The following FRYL variants were observed in gnomAD, a reference collection of about 807,000 sequenced individuals.
FRYL encodes the protein protein furry homolog-like.
In FRYL, 150 loss-of-function variants were observed where a neutral mutation model predicts 351.2. The ratio of observed to expected loss-of-function variants is 0.43; its 90% CI spans 0.37 to 0.49. The LOEUF (loss-of-function observed/expected upper bound fraction) is 0.49, where lower values mean the gene tolerates loss of function less well. Ranked by LOEUF, FRYL falls within the 20% of genes least tolerant of loss-of-function variation. The pLI, the probability that FRYL is intolerant of heterozygous loss-of-function variation, is 0.00. For synonymous variants in FRYL, 1,153 were observed against 1,257.1 expected, an observed-to-expected ratio of 0.92 and a Z score of 1.75; for missense variants, 3,036 against 3,619.3, an observed-to-expected ratio of 0.84 and a Z score of 4.13.
Position 48,549,704 on chromosome 4 carries a change from T to A in FRYL, c.4634-81A>T. The stretch of plus-strand genomic sequence containing the variant: ...CAAACTCTAGTAAGATCCCAACTAT[T>A]TATATAGTATTGGAAAGTGATAAAA... On this transcript the variant is annotated intron_variant, in intron 38 of 63. Coordinates refer to ENST00000358350, the MANE Select transcript of FRYL (RefSeq NM_015030.2). This position sits in a 1 kb window ranked among gnomAD's most constrained non-coding sequence, Gnocchi z 4.2. 8.6e-7 allele frequency: 1 copy of A among 1,158,834 alleles called. No individual in the cohort carries two copies. Among genetic ancestry groups the A allele is most frequent in the Non-Finnish European group, 1.2e-6 (1 of 810,386 alleles). 71.8% of individuals were successfully genotyped at this position (1,158,834 alleles called of 1,614,324 possible). A position where few individuals can be genotyped will look rare whatever the true frequency, so the allele number is the denominator to read the frequency against.
chr4:48,552,244 G>GAT (rs1732966917), intron 36 of FRYL, among the ~76,000 whole-genome samples: 1 of 145,244 alleles, frequency 6.9e-6, no homozygotes, highest in African/African-American at 2.6e-5. Flanking sequence ...AGTCCAAAGG[G>GAT]GTGTGTGTGT....
chr4:48,499,428 T>TC lies in FRYL; in HGVS notation c.9035dup (p.Phe3013IlefsTer14). ...CCTAAAGGCCTGAAGTGTCTCAGAATCCAGTGCTCACCATATTTCCCATTG... is the reference window on the plus strand; with the variant it reads ...CCTAAAGGCCTGAAGTGTCTCAGAATCCCAGTGCTCACCATATTTCCCATTG... On this transcript the variant is annotated frameshift_variant, in exon 64 of 64. Coordinates refer to ENST00000358350, the MANE Select transcript of FRYL (RefSeq NM_015030.2). LOFTEE classifies it high-confidence loss of function. 6.2e-7 allele frequency: 1 copy of TC among 1,613,998 alleles called. No homozygotes were observed. Among genetic ancestry groups the TC allele is most frequent in the Non-Finnish European group, 8.5e-7 (1 of 1,179,864 alleles).
intron 60 of FRYL, among the ~76,000 whole-genome samples, chr4:48,504,083 CTAAA>C (rs1370102876): frequency 1.3e-5 from 2 of 152,030 alleles, no homozygotes; most frequent in Non-Finnish European, 1.5e-5. Context: ...AGCAATTACT[CTAAA>C]TATGCTAAAA....
intron 2 of FRYL, among the ~76,000 whole-genome samples, chr4:48,708,909 T>TG (rs768647150): frequency 0.01 from 1,115 of 110,046 alleles, 5 homozygotes; most frequent in Non-Finnish European, 0.015. Context: ...AGGTATCGTG[T>TG]GTTTTTTTTT....
intron 7 of FRYL, among the ~76,000 whole-genome samples, chr4:48,610,201 A>C (rs1181016384): frequency 2.0e-5 from 3 of 152,138 alleles, no homozygotes; most frequent in Non-Finnish European, 2.9e-5. Context: ...AATATAACTC[A>C]ATTTTGAACT....
intron 36 of FRYL, among the ~76,000 whole-genome samples, chr4:48,552,933 T>C (rs1733200653): frequency 6.6e-6 from 1 of 152,154 alleles, no homozygotes; most frequent in Admixed American, 6.5e-5. Flanking sequence ...ACATAGTTTC[T>C]TCATACTCAA....
chr4:48,627,486 A>G (rs1752061545), intron 4 of FRYL, among the ~76,000 whole-genome samples: 1 of 152,166 alleles, frequency 6.6e-6, no homozygotes, highest in African/African-American at 2.4e-5. Context: ...TTCATAACAA[A>G]TCCATACTTC....
chr4:48,499,500 C>A lies in FRYL; in HGVS notation c.8964G>T (p.Glu2988Asp), dbSNP rs2148687862. The change falls in exon 64 of 64, where the codon GAG (glutamate) becomes GAT (aspartate). Residue 2988 changes from glutamate to aspartate, a missense_variant. Physicochemically the swap from Glu to Asp is conservative, Grantham distance 45. This residue lies in a region of FRYL where 1,987 missense variants were observed against 2,311.7 expected (regional missense o/e 0.86). Transcript: ENST00000358350. Reference protein sequence around the residue: ...KLMELNLEIRESLRMVQSYQL... With the variant: ...KLMELNLEIRDSLRMVQSYQL... ...GGTATGATTGCACCATGCGTAGAGA[C>A]TCTCTTATTTCCAGATTAAGTTCCA... is the stretch of plus-strand genomic sequence containing the variant. 3 of 1,613,986 alleles carry A rather than the reference C, an allele frequency of 1.9e-6. No individual in the cohort carries two copies. In the East Asian group the frequency reaches 6.7e-5, roughly 36 times the overall value.
At chr4:48,540,288 C>A in intron 46 of FRYL, 65 bp downstream of exon 46, 1 of 1,505,608 alleles carries the variant, frequency 6.6e-7, no homozygotes, top group Non-Finnish European at 8.9e-7. Flanking sequence ...GATTTCAAAA[C>A]AAATGATTAG....
At chr4:48,592,082 T>TAATATA (rs888017807) in intron 16 of FRYL, among the ~76,000 whole-genome samples, 9 of 116,206 alleles carry the variant, frequency 7.7e-5, no homozygotes, top group African/African-American at 4.0e-4. Context: ...AATAAAGCTC[T>TAATATA]TATATATATA....
chr4:48,654,656 C>G (rs1758447404), intron 3 of FRYL, among the ~76,000 whole-genome samples: 1 of 152,198 alleles, frequency 6.6e-6, no homozygotes, highest in East Asian at 1.9e-4. Context: ...ATACAGTCTT[C>G]TATTCTTAAT....
At chr4:48,705,422 G>A (rs1227228700) in intron 2 of FRYL, among the ~76,000 whole-genome samples, 3 of 147,914 alleles carry the variant, frequency 2.0e-5, no homozygotes, top group Admixed American at 2.0e-4. Flanking sequence ...GCTATAAAAA[G>A]AAATCAGTAA....
At chr4:48,535,051 C>A (rs969470171) in intron 48 of FRYL, among the ~76,000 whole-genome samples, 2 of 152,032 alleles carry the variant, frequency 1.3e-5, no homozygotes, top group African/African-American at 4.8e-5. Flanking sequence ...TATAAAGTTA[C>A]TTCTTAGGCA....
At chr4:48,565,898 C>T (rs1401728744) in intron 28 of FRYL, among the ~76,000 whole-genome samples, 2 of 152,186 alleles carry the variant, frequency 1.3e-5, no homozygotes, top group East Asian at 1.9e-4. Context: ...CCTGTCCCAG[C>T]ATTACATGAC....
intron 61 of FRYL, 46 bp from the exon 62 acceptor site, chr4:48,501,779 A>G: frequency 9.1e-7 from 1 of 1,093,462 alleles, no homozygotes; most frequent in Non-Finnish European, 1.4e-6. Context: ...TATTTTCTAG[A>G]CAGCATATTT....
chr4:48,692,776 T>A (rs1421230998), intron 2 of FRYL, among the ~76,000 whole-genome samples: 1 of 152,252 alleles, frequency 6.6e-6, no homozygotes, highest in Admixed American at 6.5e-5. Flanking sequence ...ATAATTCATG[T>A]TAAGGTGTTA....
At chr4:48,714,761 A>T (rs1235301239) in intron 1 of FRYL, among the ~76,000 whole-genome samples, 2 of 151,282 alleles carry the variant, frequency 1.3e-5, no homozygotes, top group Admixed American at 6.6e-5. Context: ...AATCCTCCCT[A>T]ACTCATTTTA....
chr4:48,747,919 C>A (rs186361552), intron 1 of FRYL, among the ~76,000 whole-genome samples: 3 of 152,246 alleles, frequency 2.0e-5, no homozygotes, highest in Admixed American at 2.0e-4. Flanking sequence ...AAGAATGTTG[C>A]GAGCCCTGTG....
intron 2 of FRYL, among the ~76,000 whole-genome samples, chr4:48,702,760 CAAAAAA>C (rs34250320): frequency 1.1e-4 from 1 of 9,324 alleles, no homozygotes; most frequent in East Asian, 2.0e-3. Flanking sequence ...GACTCCGTCT[CAAAAAA>C]AAAAAAAAAA....
Sources: gnomAD v4.1 joint callset for allele counts (sites outside exome capture counted in the v4.1 genomes callset) on GRCh38, gnomAD v4.1.1 for gene constraint, gnomAD v4.1.1 regional missense constraint, Gnocchi (gnomAD v3.1) non-coding constraint, MANE v1.5 for transcripts, NCBI Gene and HGNC (gene_info 2026-07-23, HGNC 2026-07-21) for gene names.